BMP5: variants seen among roughly 807,000 people sequenced by gnomAD.
BMP5 encodes bone morphogenetic protein 5.
In BMP5, 23 loss-of-function variants were observed where a neutral mutation model predicts 46.6. The observed-to-expected ratio is 0.49, with a 90% CI of 0.35 to 0.70. The LOEUF (loss-of-function observed/expected upper bound fraction) is 0.70, where lower values mean the gene tolerates loss of function less well. BMP5 is among the 30% of genes least tolerant of loss of function. BMP5 has a pLI of 0.00. For synonymous variants in BMP5, 204 were observed against 191.9 expected (o/e 1.06, Z -0.52); for missense variants, 545 against 565.6 (o/e 0.96, Z 0.37).
intron 1 of BMP5, among the ~76,000 whole-genome samples, chr6:55,848,032 A>G (rs1777140871): frequency 6.6e-6 from 1 of 152,002 alleles, no homozygotes; most frequent in Non-Finnish European, 1.5e-5. Flanking sequence ...CAACTTTTTA[A>G]AAACTTCTAT....
intron 6 of BMP5, 69 bp downstream of exon 6, chr6:55,758,936 T>C (rs1223231552): frequency 9.4e-7 from 1 of 1,061,516 alleles, no homozygotes; most frequent in African/African-American, 1.6e-5. Context: ...ATAGATGCTT[T>C]CCTCTAAAAC....
intron 1 of BMP5, among the ~76,000 whole-genome samples, chr6:55,846,278 G>A (rs1777095983): frequency 6.6e-6 from 1 of 151,900 alleles, no homozygotes; most frequent in Non-Finnish European, 1.5e-5. Context: ...AATACTACAT[G>A]CAGATAGGAA....
intron 4 of BMP5, among the ~76,000 whole-genome samples, chr6:55,768,125 C>T (rs780021369): frequency 2.0e-5 from 3 of 151,690 alleles, no homozygotes; most frequent in Non-Finnish European, 4.4e-5. Context: ...ATAAAACATT[C>T]GATGGAAATA....
chr6:55,834,898 T>A (rs978835841), intron 1 of BMP5, among the ~76,000 whole-genome samples: 1 of 152,082 alleles, frequency 6.6e-6, no homozygotes, highest in Admixed American at 6.6e-5. Flanking sequence ...CTGGCTAACA[T>A]GGCGAATCCA....
At chr6:55,832,069 C>G (rs1776677690) in intron 1 of BMP5, among the ~76,000 whole-genome samples, 1 of 152,084 alleles carries the variant, frequency 6.6e-6, no homozygotes. Flanking sequence ...CACAAATATC[C>G]CATTTACCAT....
chr6:55,841,463 C>T (rs1776953406), intron 1 of BMP5, among the ~76,000 whole-genome samples: 1 of 152,060 alleles, frequency 6.6e-6, no homozygotes, highest in African/African-American at 2.4e-5. Context: ...GGCCCAGAGT[C>T]CATATATATT....
intron 1 of BMP5, among the ~76,000 whole-genome samples, 193 bp downstream of exon 1, chr6:55,874,183 A>C: frequency 6.6e-6 from 1 of 152,152 alleles, no homozygotes; most frequent in Middle Eastern, 3.4e-3. Context: ...TTTAAATTTA[A>C]CTATTCATAT....
intron 1 of BMP5, among the ~76,000 whole-genome samples, chr6:55,849,888 C>G (rs1777184986): frequency 6.6e-6 from 1 of 152,054 alleles, no homozygotes; most frequent in Non-Finnish European, 1.5e-5. Flanking sequence ...CTATCCTACC[C>G]TTGATAATCT....
intron 1 of BMP5, among the ~76,000 whole-genome samples, chr6:55,871,672 C>G (rs1371005390): frequency 6.6e-6 from 1 of 151,734 alleles, no homozygotes; most frequent in Non-Finnish European, 1.5e-5. Flanking sequence ...GTGACCAAAA[C>G]TATGTTGAAA....
rs533023864 is a variant in BMP5, at chr6:55,801,842, A to G, written c.684-7415T>C. ...CAGAATGCCTTATTCACTTATCCAT[A>G]GAATTCCATACTGCATCGCTTCTGA... On this transcript the variant is annotated intron_variant, in intron 2 of 6. Coordinates refer to ENST00000370830, the MANE Select transcript of BMP5 (RefSeq NM_021073.4). 7.2e-4 allele frequency among the ~76,000 whole-genome samples: 109 copies of G among 152,312 alleles called. 1 individual carries two copies. The highest frequency in any genetic ancestry group is 1.1e-3 in the Admixed American group (17 of 15,292).
At chr6:55,776,488 A>C (rs1775175247) in intron 3 of BMP5, among the ~76,000 whole-genome samples, 1 of 151,944 alleles carries the variant, frequency 6.6e-6, no homozygotes, top group Non-Finnish European at 1.5e-5. Flanking sequence ...CTGTTATAGA[A>C]TAGAATAACT....
chr6:55,779,536 T>A (rs1195310585), intron 3 of BMP5, among the ~76,000 whole-genome samples: 7 of 152,006 alleles, frequency 4.6e-5, no homozygotes, highest in Non-Finnish European at 1.0e-4. Flanking sequence ...TCTACCCTTT[T>A]TAGAAACTGA....
At chr6:55,801,854 T>C (rs1775855625) in intron 2 of BMP5, among the ~76,000 whole-genome samples, 1 of 152,208 alleles carries the variant, frequency 6.6e-6, no homozygotes, top group Non-Finnish European at 1.5e-5. Context: ...AATTCCATAC[T>C]GCATCGCTTC....
Position 55,759,040 on chromosome 6 carries a change from T to C in BMP5, c.1180A>G (p.Met394Val), listed in dbSNP as rs1774687268. The change falls in exon 6 of 7, where the codon ATG becomes GTG. Residue 394 changes from methionine (M) to valine (V), a missense_variant. Transcript: ENST00000370830. ...GECSFPLNAHMNATNHAIVQT... is the reference protein window; with the variant it reads ...GECSFPLNAHVNATNHAIVQT... ...ACTATAGCGTGGTTGGTGGCATTCA[T>C]ATGGGCGTTAAGTGGAAAAGAACAT... 5.0e-6 allele frequency: 8 copies of C among 1,609,798 alleles called. No individual in the cohort carries two copies. The highest frequency in any genetic ancestry group is 5.9e-6 in the Non-Finnish European group (7 of 1,178,430).
chr6:55,849,325 G>A (rs1262208138), intron 1 of BMP5, among the ~76,000 whole-genome samples: 5 of 151,816 alleles, frequency 3.3e-5, no homozygotes, highest in East Asian at 1.9e-4. Flanking sequence ...ATGTATGTGC[G>A]TACCTACACA....
chr6:55,827,527 G>A (rs1776561733), intron 1 of BMP5, among the ~76,000 whole-genome samples: 1 of 151,656 alleles, frequency 6.6e-6, no homozygotes, highest in South Asian at 2.1e-4. Flanking sequence ...AAATATCAGT[G>A]TAATCAAATT....
intron 1 of BMP5, among the ~76,000 whole-genome samples, chr6:55,844,875 ATGTTTAGCTAAAAATGTATATT>A (rs1388392447): frequency 6.6e-6 from 1 of 152,018 alleles, no homozygotes; most frequent in Non-Finnish European, 1.5e-5. Context: ...AAAGACCTAA[ATGTTTAGCTAAAAATGTATATT>A]TTGAAATATT....
At position 55,869,945 on chromosome 6, in the gene BMP5, GAC is replaced by G. The variant is rs549860424; in HGVS notation, c.490+4429_490+4430del. The stretch of plus-strand genomic sequence containing the variant: ...CTCTAGCAAACCAGGACGAAAGGCA[GAC>G]CCCAGGAAGTGTGGGAGTGGTAAGG... On this transcript the variant is annotated intron_variant, in intron 1 of 6. Transcript: ENST00000370830. Among the ~76,000 whole-genome samples, 336 of 152,244 alleles carry G rather than the reference GAC, an allele frequency of 2.2e-3. 2 individuals are homozygous for G. The highest frequency in any genetic ancestry group is 7.4e-3 in the African/African-American group (307 of 41,568).
intron 1 of BMP5, among the ~76,000 whole-genome samples, chr6:55,825,023 T>G (rs1403942777): frequency 1.5e-5 from 2 of 129,110 alleles, no homozygotes; most frequent in African/African-American, 5.8e-5. Context: ...CATGTAAAAT[T>G]ATTCCATTCA....
Sources: gnomAD v4.1 joint callset for allele counts (sites outside exome capture counted in the v4.1 genomes callset) on GRCh38, gnomAD v4.1.1 for gene constraint, MANE v1.5 for transcripts, NCBI Gene and HGNC (gene_info 2026-07-23, HGNC 2026-07-21) for gene names.